IL9R: variants seen among roughly 807,000 people sequenced by gnomAD.
IL9R encodes the protein interleukin-9 receptor.
IL9R carries 54 observed loss-of-function variants against 56.3 expected under a neutral mutation model. The observed-to-expected ratio is 0.96, with a 90% CI of 0.77 to 1.20. The LOEUF is 1.20. IL9R is among the 50% of genes most tolerant of loss of function. The pLI is 0.00. For missense variants in IL9R, 545 were observed against 629.8 expected, an observed-to-expected ratio of 0.87 and a Z score of 1.44; for synonymous variants, 212 against 250.2, an observed-to-expected ratio of 0.85 and a Z score of 1.44.
chrX:156,006,921 A>G (rs917941060), intron 7 of IL9R, among the ~76,000 whole-genome samples: 11 of 151,164 alleles, frequency 7.3e-5, no homozygotes, highest in South Asian at 2.1e-4. Flanking sequence ...ACGATTTGGC[A>G]TGAGCCAGTG....
At chrX:156,003,096 T>C (rs2067654040) in intron 2 of IL9R, 77 bp downstream of exon 2, 38 of 1,578,292 alleles carry the variant, frequency 2.4e-5, no homozygotes, top group Non-Finnish European at 3.2e-5. Flanking sequence ...TTGTCCGATG[T>C]CAAGCCTCTA....
downstream of IL9R, among the ~76,000 whole-genome samples, chrX:156,011,350 CAT>C (rs1257465539): frequency 1.9e-5 from 2 of 104,762 alleles, 1 homozygote; most frequent in Non-Finnish European, 3.4e-5. Flanking sequence ...TTCCCAACCA[CAT>C]GTTCTTGGGC....
Position 156,003,752 on chromosome X carries a change from AGTGCT to A in IL9R, c.331_335del (p.Val111ArgfsTer4). 1 of 1,613,992 alleles carries A rather than the reference AGTGCT, an allele frequency of 6.2e-7. No individual in the cohort carries two copies. The highest frequency in any genetic ancestry group is 8.5e-7 in the Non-Finnish European group (1 of 1,179,858). On this transcript the variant is annotated frameshift_variant, in exon 4 of 9. Coordinates refer to ENST00000244174, the MANE Select transcript of IL9R (RefSeq NM_002186.3). LOFTEE classifies it high-confidence loss of function. ...GCACCGTCGTGCTGCCACCTGAGGC[AGTGCT>A]CGTGCCATCTGACAATTTCACCATC...
At chrX:155,998,894 G>A (rs2067318511) in intron 1 of IL9R, among the ~76,000 whole-genome samples, 1 of 152,012 alleles carries the variant, frequency 6.6e-6, no homozygotes, top group South Asian at 2.1e-4. Context: ...CAGGCGACGT[G>A]GGTACCTCTT....
chrX:156,009,073 CTGTGTGTGTTTGTG>C (rs1298505137), intron 8 of IL9R, among the ~76,000 whole-genome samples: 7 of 95,876 alleles, frequency 7.3e-5, no homozygotes, highest in African/African-American at 2.2e-4. Context: ...GTGTGTGTGT[CTGTGTGTGTTTGTG>C]TGTGTGTGTC....
intron 8 of IL9R, chrX:156,007,855 A>G (rs906691618): frequency 4.0e-6 from 2 of 496,800 alleles, no homozygotes; most frequent in Non-Finnish European, 6.6e-6. Context: ...GATTGAAAAA[A>G]TGTAAATTTC....
intron 7 of IL9R, among the ~76,000 whole-genome samples, 170 bp from the exon 8 acceptor site, chrX:156,007,353 C>T (rs1193008512): frequency 6.6e-6 from 1 of 150,690 alleles, no homozygotes; most frequent in Non-Finnish European, 1.5e-5. Flanking sequence ...GCAAGGAGGC[C>T]CAGTTGGGTC....
Position 156,006,041 on chromosome X carries a change from G to A in IL9R, c.782-42G>A, listed in dbSNP as rs975055147. Reference sequence around the variant, plus strand: ...AGGTGGGTTTGGGGGGAGCCTCCTGGCACTGAGGCTGCTCACAGCCCTGGG... The same window carrying A: ...AGGTGGGTTTGGGGGGAGCCTCCTGACACTGAGGCTGCTCACAGCCCTGGG... On this transcript the variant is annotated intron_variant, in intron 6 of 8. Transcript: ENST00000244174. The A allele has an allele frequency of 2.7e-6, 3 of 1,106,884 alleles. No individual in the cohort carries two copies. The African/African-American group carries it at 4.7e-5, about 17-fold the overall frequency. The allele number at this position is 1,106,884 out of a possible 1,614,324, so 68.6% of individuals were successfully genotyped here.
In IL9R at chrX:156,004,159, GA is replaced by G. The variant is rs1362729229; in HGVS notation, c.434-257del. 5.0e-6 allele frequency: 3 copies of G among 600,184 alleles called. 1 individual carries two copies. The highest frequency in any genetic ancestry group is 5.9e-6 in the Non-Finnish European group (2 of 338,532). 37.2% of individuals were successfully genotyped at this position (600,184 alleles called of 1,614,324 possible). A position where few individuals can be genotyped will look rare whatever the true frequency, so the allele number is the denominator to read the frequency against. ...AGGAAGGACTCCAATAAGATGCTGG[GA>G]AAAGCTTCCAGCAGCAGACTGTGAA... On this transcript the variant is annotated intron_variant, in intron 4 of 8. Coordinates refer to ENST00000244174, the MANE Select transcript of IL9R (RefSeq NM_002186.3).
At position 156,009,990 on chromosome X, in the gene IL9R, C is replaced by G. The variant is rs2068383843; in HGVS notation, c.1147C>G (p.Leu383Val). The change falls in exon 9 of 9, where the codon CTC becomes GTC. Residue 383 changes from leucine (L) to valine (V), a missense_variant. Leu to Val is a conservative substitution (Grantham distance 32). Transcript: ENST00000244174. ...GGAACAGGAGGGCCCTGGGACCAGG[C>G]TCCCGGGGAACCTGAGCTCAGAGGA... ...EEEQEGPGTRLPGNLSSEDVL... is the reference protein window; with the variant it reads ...EEEQEGPGTRVPGNLSSEDVL... 1 of 1,555,046 alleles carries G rather than the reference C, an allele frequency of 6.4e-7. No homozygotes were observed. The highest frequency in any genetic ancestry group is 8.6e-7 in the Non-Finnish European group (1 of 1,160,586).
rs1445563075 is a variant in IL9R, at chrX:156,010,427, T to C, written c.*18T>C. On this transcript the variant is annotated 3_prime_UTR_variant, in exon 9 of 9. Transcript: ENST00000244174. ...CATTCTAGGTCCCTGACTCGCCAGA[T>C]GCATCATGTCCATTTTGGGAAAATG... 1 of 459,988 alleles carries C rather than the reference T, an allele frequency of 2.2e-6. No homozygotes were observed. The allele number at this position is 459,988 out of a possible 1,614,324, so 28.5% of individuals were successfully genotyped here. A position where few individuals can be genotyped will look rare whatever the true frequency, so the allele number is the denominator to read the frequency against.
At chrX:156,004,395 C>A in intron 4 of IL9R, 25 bp from the exon 5 acceptor site, 1 of 1,613,404 alleles carries the variant, frequency 6.2e-7, no homozygotes, top group Non-Finnish European at 8.5e-7. Context: ...GGGCTTCAGC[C>A]TCACATGGAT....
At chrX:156,004,136 G>A in intron 4 of IL9R, 1 of 600,122 alleles carries the variant, frequency 1.7e-6, no homozygotes, top group Non-Finnish European at 3.0e-6. Flanking sequence ...GTCATACCAG[G>A]AAGGACTCCA....
chrX:156,004,278 A>G, intron 4 of IL9R, 142 bp from the exon 5 acceptor site: 1 of 762,342 alleles, frequency 1.3e-6, no homozygotes, highest in Non-Finnish European at 2.2e-6. Flanking sequence ...GCTTTTGTGG[A>G]CCAGTCTCCC....
In IL9R at chrX:156,009,011, GTGTCTC is replaced by G. The variant is rs2068217529; in HGVS notation, c.973-801_973-796del. ...TAAGTCTGTGTGTGTTTGTGTGTGT[GTGTCTC>G]TGTGTGTGTGTCTGTATCTGTGTGT... is the stretch of plus-strand genomic sequence containing the variant. On this transcript the variant is annotated intron_variant, in intron 8 of 8. Transcript: ENST00000244174. 2.0e-5 allele frequency among the ~76,000 whole-genome samples: 3 copies of G among 148,038 alleles called. No individual in the cohort carries two copies. In the East Asian group the frequency reaches 6.0e-4, roughly 30 times the overall value.
intron 6 of IL9R, among the ~76,000 whole-genome samples, chrX:156,005,734 G>T (rs1421297555): frequency 6.6e-6 from 1 of 152,096 alleles, no homozygotes; most frequent in African/African-American, 2.4e-5. Context: ...GCACACCAGG[G>T]CTGGGCTCCT....
intron 8 of IL9R, chrX:156,008,183 G>A (rs1050970750): frequency 1.9e-5 from 3 of 160,004 alleles, no homozygotes; most frequent in African/African-American, 7.3e-5. Flanking sequence ...TGGGCTGTTG[G>A]TTCATGCCCC....
Position 156,003,768 on chromosome X carries a change from G to A in IL9R, c.346G>A (p.Asp116Asn), listed in dbSNP as rs769137449. The A allele has an allele frequency of 8.7e-6, 14 of 1,614,022 alleles. No individual in the cohort carries two copies. The highest frequency in any genetic ancestry group is 1.7e-4 in the Middle Eastern group (1 of 6,056). ...ACCTGAGGCAGTGCTCGTGCCATCTGACAATTTCACCATCACTTTCCACCA... is the reference window on the plus strand; with the variant it reads ...ACCTGAGGCAGTGCTCGTGCCATCTAACAATTTCACCATCACTTTCCACCA... ...LPPEAVLVPS[D>N]NFTITFHHCM... The change falls in exon 4 of 9, where the codon GAC (aspartate) becomes AAC (asparagine). Residue 116 changes from aspartate to asparagine, a missense_variant. By Grantham distance (23) the Asp-to-Asn change is conservative. This residue lies in a region of IL9R where 431 missense variants were observed against 360.0 expected (regional missense o/e 1.20). Transcript: ENST00000244174.
In IL9R at chrX:155,997,774, A is replaced by G. The variant is rs1443178509; in HGVS notation, c.15A>G (p.Arg5=). The G allele has an allele frequency of 1.2e-6, 2 of 1,613,672 alleles. No individual in the cohort carries two copies. Among genetic ancestry groups the G allele is most frequent in the Middle Eastern group, 1.7e-4 (1 of 6,056 alleles). Residue 5 remains arginine (R), a synonymous_variant, in exon 1 of 9, where the codon AGA becomes AGG. Transcript: ENST00000244174. The part of the protein sequence containing the change: MGLG[R]CIWEGWTLES... The stretch of plus-strand genomic sequence containing the variant: ...TCAGACTTGTGATGGGACTGGGCAG[A>G]TGCATCTGGGAAGGTGAGTCTGTGC...
Sources: allele counts gnomAD v4.1 joint callset (sites outside exome capture counted in the v4.1 genomes callset), GRCh38; gene constraint gnomAD v4.1.1; regional missense constraint gnomAD v4.1.1; transcripts MANE v1.5; gene names NCBI Gene and HGNC (gene_info 2026-07-23, HGNC 2026-07-21).